The following ELOVL7 variants were observed in gnomAD, a reference collection of about 807,000 sequenced individuals.
ELOVL7 encodes the protein very long chain fatty acid elongase 7.
ELOVL7 carries 27 observed loss-of-function variants against 35.7 expected under a neutral mutation model. The observed-to-expected ratio is 0.76, with a 90% CI of 0.56 to 1.04. The LOEUF (loss-of-function observed/expected upper bound fraction) is 1.04, where lower values mean the gene tolerates loss of function less well. Ranked by LOEUF, ELOVL7 falls within the 50% of genes least tolerant of loss-of-function variation. The probability of loss-of-function intolerance (pLI) is 0.00; values close to 1 mark genes in which losing one functional copy is unlikely to be tolerated. For missense variants in ELOVL7, 327 were observed against 340.8 expected (o/e 0.96, Z 0.32); for synonymous variants, 113 against 114.6 (o/e 0.99, Z 0.09).
chr5:60,810,652 A>C (rs1218645839), intron 1 of ELOVL7, among the ~76,000 whole-genome samples: 1 of 152,136 alleles, frequency 6.6e-6, no homozygotes, highest in Admixed American at 6.5e-5. Flanking sequence ...CTGGCATCTG[A>C]TCTGATTCAT....
intron 2 of ELOVL7, among the ~76,000 whole-genome samples, chr5:60,787,890 C>T (rs1289640631): frequency 3.3e-5 from 5 of 151,998 alleles, no homozygotes; most frequent in Admixed American, 1.3e-4. Context: ...CATCTATATG[C>T]AAATTTTTAT....
Position 60,761,877 on chromosome 5 carries a change from G to A in ELOVL7, c.499+2350C>T, listed in dbSNP as rs1290772018. On this transcript the variant is annotated intron_variant, in intron 7 of 8. Transcript: ENST00000508821. ...TTATATACTCAGCTATAAAGAAGAG[G>A]GCAAATGGGCCTGCGGCATATTCGA... Among the ~76,000 whole-genome samples the A allele has an allele frequency of 3.9e-5, 6 of 152,048 alleles. No individual in the cohort carries two copies. The East Asian group carries it at 7.7e-4, about 20-fold the overall frequency.
At chr5:60,759,575 T>G (rs1198182591) in intron 7 of ELOVL7, among the ~76,000 whole-genome samples, 1 of 151,798 alleles carries the variant, frequency 6.6e-6, no homozygotes, top group Non-Finnish European at 1.5e-5. Flanking sequence ...CTAAGACACC[T>G]CTCCTGTTAT....
At chr5:60,836,167 T>C in intron 1 of ELOVL7, among the ~76,000 whole-genome samples, 1 of 152,172 alleles carries the variant, frequency 6.6e-6, no homozygotes, top group East Asian at 1.9e-4. Context: ...ACATTTTATT[T>C]AAAAACACTG....
chr5:60,837,125 A>G (rs963349585), intron 1 of ELOVL7, among the ~76,000 whole-genome samples: 1 of 151,738 alleles, frequency 6.6e-6, no homozygotes, highest in Non-Finnish European at 1.5e-5. Context: ...GATTCATTAG[A>G]AAATACAAGT....
At chr5:60,776,773 C>G (rs1742928391) in intron 3 of ELOVL7, among the ~76,000 whole-genome samples, 1 of 152,032 alleles carries the variant, frequency 6.6e-6, no homozygotes, top group Admixed American at 6.6e-5. Context: ...GTACTATGTT[C>G]ACTATATTCA....
chr5:60,840,011 A>G (rs1747070408), intron 1 of ELOVL7, among the ~76,000 whole-genome samples: 1 of 152,044 alleles, frequency 6.6e-6, no homozygotes, highest in Admixed American at 6.6e-5. Flanking sequence ...GGGGGAGAAA[A>G]GAGCATCCTT....
chr5:60,841,327 G>A lies in ELOVL7; in HGVS notation c.-86+2833C>T, dbSNP rs114836799. Among the ~76,000 whole-genome samples, 387 of 152,236 alleles carry A rather than the reference G, an allele frequency of 2.5e-3. 2 individuals are homozygous for A. Among genetic ancestry groups the A allele is most frequent in the African/African-American group, 8.9e-3 (369 of 41,538 alleles). On this transcript the variant is annotated intron_variant, in intron 1 of 8. Transcript: ENST00000508821. ...AGGGGCGAACCACTGTGCCCAGCCT[G>A]AGAATACTAAAATACTATATGGAGT...
chr5:60,826,084 G>A (rs1041686162), intron 1 of ELOVL7, among the ~76,000 whole-genome samples: 2 of 152,226 alleles, frequency 1.3e-5, no homozygotes, highest in African/African-American at 4.8e-5. Context: ...GAATACAGGG[G>A]AGGTATTACG....
At chr5:60,762,305 A>C (rs1363353289) in intron 7 of ELOVL7, among the ~76,000 whole-genome samples, 1 of 150,986 alleles carries the variant, frequency 6.6e-6, no homozygotes, top group Non-Finnish European at 1.5e-5. Context: ...GCCTCAAAAA[A>C]AAAAAAAAAA....
chr5:60,794,081 G>T (rs950146639), intron 2 of ELOVL7, among the ~76,000 whole-genome samples: 1 of 151,834 alleles, frequency 6.6e-6, no homozygotes, highest in East Asian at 1.9e-4. Context: ...GGCAGGAGTA[G>T]AGTAAACAGG....
intron 3 of ELOVL7, among the ~76,000 whole-genome samples, chr5:60,776,793 C>T (rs1742929901): frequency 6.6e-6 from 1 of 152,246 alleles, no homozygotes; most frequent in East Asian, 1.9e-4. Context: ...ATGATGCAAT[C>T]ACTAGAAGCC....
intron 1 of ELOVL7, among the ~76,000 whole-genome samples, chr5:60,817,759 C>T (rs1462396411): frequency 6.9e-6 from 1 of 144,678 alleles, no homozygotes; most frequent in African/African-American, 2.5e-5. Context: ...CATATATATA[C>T]CATATATAAA....
intron 1 of ELOVL7, among the ~76,000 whole-genome samples, chr5:60,821,035 T>C (rs1345771779): frequency 3.9e-5 from 6 of 152,208 alleles, no homozygotes; most frequent in Admixed American, 3.9e-4. Flanking sequence ...GTAATAATTA[T>C]AATTACTGCC....
intron 1 of ELOVL7, among the ~76,000 whole-genome samples, chr5:60,830,135 T>C (rs1375088859): frequency 6.6e-6 from 1 of 152,158 alleles, no homozygotes; most frequent in East Asian, 1.9e-4. Context: ...TCAGAAACTG[T>C]CAGGTCCTTG....
rs1008082561 is a variant in ELOVL7 at position 60,828,358 on chromosome 5, C to A, written c.-86+15802G>T. On this transcript the variant is annotated intron_variant, in intron 1 of 8. Transcript: ENST00000508821. ...CTTTTCATTAAAAATTAACATATAT[C>A]TTTAAGAGCACAAAAATTATTTCTA... Among the ~76,000 whole-genome samples the A allele has an allele frequency of 4.6e-5, 7 of 152,252 alleles. No homozygotes were observed. The East Asian group carries it at 1.3e-3, about 29-fold the overall frequency.
chr5:60,765,762 T>C (rs942202022), intron 6 of ELOVL7, among the ~76,000 whole-genome samples: 1 of 152,172 alleles, frequency 6.6e-6, no homozygotes, highest in African/African-American at 2.4e-5. Flanking sequence ...AATTCTAACA[T>C]TATGTGATTA....
intron 1 of ELOVL7, among the ~76,000 whole-genome samples, chr5:60,817,123 C>T (rs957461434): frequency 1.9e-4 from 29 of 151,532 alleles, no homozygotes; most frequent in African/African-American, 7.0e-4. Context: ...AATATTTATA[C>T]AGTGAAAAGC....
At chr5:60,786,103 C>T (rs1743568628) in intron 3 of ELOVL7, 1 of 152,110 alleles carries the variant, frequency 6.6e-6, no homozygotes, top group Non-Finnish European at 1.5e-5. Context: ...CAAAAATAAA[C>T]TCAAATGTTA....
Sources: gnomAD v4.1 joint callset for allele counts (sites outside exome capture counted in the v4.1 genomes callset) on GRCh38, gnomAD v4.1.1 for gene constraint, MANE v1.5 for transcripts, NCBI Gene and HGNC (gene_info 2026-07-23, HGNC 2026-07-21) for gene names.